The following DEFB118 variants were observed in gnomAD, a reference collection of about 807,000 sequenced individuals.
DEFB118 encodes the protein defensin beta 118, also known as defensin, beta 18.
Under a neutral mutation model 2.8 loss-of-function variants are expected in DEFB118, and 3 were observed. That is an observed-to-expected ratio of 1.09 (90% confidence interval 0.50 to 2.82). The LOEUF (loss-of-function observed/expected upper bound fraction) is 2.82, where lower values mean the gene tolerates loss of function less well. Ranked by LOEUF, DEFB118 falls within the 30% of genes most tolerant of loss-of-function variation. DEFB118 has a pLI of 0.04. For missense variants in DEFB118, 159 were observed against 144.6 expected (o/e 1.10, Z -0.51); for synonymous variants, 63 against 53.5 (o/e 1.18, Z -0.78).
chr20:31,373,401 T>G lies in DEFB118; in HGVS notation c.*231T>G. 1.9e-6 allele frequency: 1 copy of G among 533,216 alleles called. No homozygotes were observed. The highest frequency in any genetic ancestry group is 3.3e-6 in the Non-Finnish European group (1 of 302,110). 33.0% of individuals were successfully genotyped at this position (533,216 alleles called of 1,614,324 possible). A position where few individuals can be genotyped will look rare whatever the true frequency, so the allele number is the denominator to read the frequency against. On this transcript the variant is annotated 3_prime_UTR_variant, in exon 2 of 2. Coordinates refer to ENST00000253381, the MANE Select transcript of DEFB118 (RefSeq NM_054112.3). ...TCCACAACAAGTTATAACCTATTTT[T>G]AGTATTTCTTGTTTGCTAGTGACCT...
intron 1 of DEFB118, among the ~76,000 whole-genome samples, chr20:31,369,618 G>T (rs1986178687): frequency 6.6e-6 from 1 of 152,016 alleles, no homozygotes; most frequent in Non-Finnish European, 1.5e-5. Flanking sequence ...TCAAACTCTT[G>T]ACCTCGGGTG....
chr20:31,369,422 A>G (rs963012270), intron 1 of DEFB118, among the ~76,000 whole-genome samples: 27 of 137,192 alleles, frequency 2.0e-4, no homozygotes, highest in African/African-American at 6.3e-4. Flanking sequence ...TGGAATCTCA[A>G]TCTGTCACCC....
At chr20:31,369,303 A>C (rs2122268026) in intron 1 of DEFB118, among the ~76,000 whole-genome samples, 1 of 152,190 alleles carries the variant, frequency 6.6e-6, no homozygotes, top group South Asian at 2.1e-4. Flanking sequence ...TGTATGATCG[A>C]ACTTACATAA....
At chr20:31,370,859 C>T (rs1274800032) in intron 1 of DEFB118, among the ~76,000 whole-genome samples, 1 of 151,926 alleles carries the variant, frequency 6.6e-6, no homozygotes, top group African/African-American at 2.4e-5. Flanking sequence ...CAAGCGATTC[C>T]CCTGCCTCAG....
chr20:31,369,231 A>T (rs1413134130), intron 1 of DEFB118, among the ~76,000 whole-genome samples: 1 of 152,128 alleles, frequency 6.6e-6, no homozygotes, highest in Non-Finnish European at 1.5e-5. Context: ...CATGACCAGA[A>T]CTTTGAAATC....
chr20:31,372,833 A>G (rs1258599166), intron 1 of DEFB118, 24 bp from the exon 2 acceptor site: 1 of 1,598,018 alleles, frequency 6.3e-7, no homozygotes, highest in Non-Finnish European at 8.6e-7. Context: ...CCCAAAATCA[A>G]TGGTCTTTCC....
chr20:31,370,093 C>T (rs1355145870), intron 1 of DEFB118, among the ~76,000 whole-genome samples: 1 of 152,084 alleles, frequency 6.6e-6, no homozygotes, highest in Non-Finnish European at 1.5e-5. Flanking sequence ...CCTGGGTCTA[C>T]CCTGGCGTTC....
chr20:31,370,315 A>T (rs1269308019), intron 1 of DEFB118, among the ~76,000 whole-genome samples: 1 of 152,236 alleles, frequency 6.6e-6, no homozygotes, highest in Non-Finnish European at 1.5e-5. Flanking sequence ...AGACACAAAC[A>T]GGAATAATTC....
chr20:31,369,768 G>T (rs1334868638), intron 1 of DEFB118, among the ~76,000 whole-genome samples: 1 of 152,110 alleles, frequency 6.6e-6, no homozygotes, highest in Non-Finnish European at 1.5e-5. Context: ...CTTATTGTTT[G>T]TAAAGTTGTA....
rs1456380036 is a variant in DEFB118 at position 31,368,696 on chromosome 20, C to A, written c.46C>A (p.Gln16Lys). ...TCTTCCTATGCTTGTGCTCCTACCC[C>A]AAGTGATCCCAGGTAATCAGAGGTC... ...LALPMLVLLP[Q>K]VIPAYSGEKK... The change falls in exon 1 of 2, where the codon CAA becomes AAA. Residue 16 changes from glutamine (Q) to lysine (K), a missense_variant. By Grantham distance (53) the Gln-to-Lys change is moderately conservative. Transcript: ENST00000253381. The A allele has an allele frequency of 1.2e-6, 2 of 1,613,566 alleles. No individual in the cohort carries two copies. The highest frequency in any genetic ancestry group is 2.7e-5 in the African/African-American group (2 of 75,016).
chr20:31,373,108 G>A lies in DEFB118; in HGVS notation c.310G>A (p.Glu104Lys), dbSNP rs1458786712. 6.2e-6 allele frequency: 10 copies of A among 1,614,068 alleles called. No homozygotes were observed. Among genetic ancestry groups the A allele is most frequent in the African/African-American group, 1.3e-5 (1 of 74,924 alleles). Residue 104 changes from glutamate to lysine, a missense_variant, in exon 2 of 2, where the codon GAA (glutamate) becomes AAA (lysine). Coordinates refer to ENST00000253381, the MANE Select transcript of DEFB118 (RefSeq NM_054112.3). ...FEVSSKKDMV[E>K]ESEAGRGTET... ...AGTAAGCAGCAAGAAAGATATGGTT[G>A]AAGAGTCTGAGGCGGGAAGGGGAAC... is the stretch of plus-strand genomic sequence containing the variant.
chr20:31,371,202 C>A (rs1177431902), intron 1 of DEFB118, among the ~76,000 whole-genome samples: 1 of 152,134 alleles, frequency 6.6e-6, no homozygotes, highest in South Asian at 2.1e-4. Flanking sequence ...TGAGACAGGT[C>A]CTGCCTCTAA....
chr20:31,373,365 G>T lies in DEFB118; in HGVS notation c.*195G>T, dbSNP rs1986249901. On this transcript the variant is annotated 3_prime_UTR_variant, in exon 2 of 2. Coordinates refer to ENST00000253381, the MANE Select transcript of DEFB118 (RefSeq NM_054112.3). ...AACTCTTCAGTGCTCTTCTTGAAAT[G>T]TCACATTATTTCCACAACAAGTTAT... 1.7e-6 allele frequency: 1 copy of T among 574,370 alleles called. No individual in the cohort carries two copies. Among genetic ancestry groups the T allele is most frequent in the Non-Finnish European group, 3.0e-6 (1 of 327,880 alleles). The allele number at this position is 574,370 out of a possible 1,614,324, so 35.6% of individuals were successfully genotyped here.
chr20:31,371,395 A>G (rs1008087406), intron 1 of DEFB118, among the ~76,000 whole-genome samples: 10 of 151,234 alleles, frequency 6.6e-5, no homozygotes, highest in African/African-American at 2.2e-4. Context: ...TTTTTTTTGT[A>G]TTTTCATAAT....
intron 1 of DEFB118, among the ~76,000 whole-genome samples, chr20:31,372,622 A>G: frequency 6.6e-6 from 1 of 152,158 alleles, no homozygotes. Flanking sequence ...AAGTGGCCCC[A>G]ATTCCTCATG....
intron 1 of DEFB118, among the ~76,000 whole-genome samples, chr20:31,370,897 C>T (rs11907105): frequency 2.0e-5 from 3 of 152,034 alleles, no homozygotes; most frequent in African/African-American, 2.4e-5. Flanking sequence ...ATTACAGGCA[C>T]GCACAACCAA....
chr20:31,372,885 C>G lies in DEFB118; in HGVS notation c.87C>G (p.Asn29Lys), dbSNP rs547124947. The G allele has an allele frequency of 6.8e-6, 11 of 1,614,016 alleles. No individual in the cohort carries two copies. The highest frequency in any genetic ancestry group is 9.3e-6 in the Non-Finnish European group (11 of 1,179,974). ...ATAGTGGTGAAAAAAAATGCTGGAA[C>G]AGATCAGGGCACTGCAGGAAACAAT... ...PAYSGEKKCW[N>K]RSGHCRKQCK... The change falls in exon 2 of 2, where the codon AAC (asparagine) becomes AAG (lysine). Residue 29 changes from asparagine to lysine, a missense_variant. Asn to Lys is a moderately conservative substitution (Grantham distance 94). Coordinates refer to ENST00000253381, the MANE Select transcript of DEFB118 (RefSeq NM_054112.3).
At chr20:31,370,763 T>C (rs1251048808) in intron 1 of DEFB118, among the ~76,000 whole-genome samples, 1 of 152,232 alleles carries the variant, frequency 6.6e-6, no homozygotes, top group Admixed American at 6.5e-5. Flanking sequence ...TATTTGTTTC[T>C]GTTTTGAAAC....
chr20:31,373,194 C>A lies in DEFB118; in HGVS notation c.*24C>A. 1 of 1,601,428 alleles carries A rather than the reference C, an allele frequency of 6.2e-7. No individual in the cohort carries two copies. ...GACTTCCTCTCGGCTATCACTCACC[C>A]CTGTCCTCAGAGTGATAAACTAAGT... On this transcript the variant is annotated 3_prime_UTR_variant, in exon 2 of 2. Coordinates refer to ENST00000253381, the MANE Select transcript of DEFB118 (RefSeq NM_054112.3).
Sources: gnomAD v4.1 joint callset for allele counts (sites outside exome capture counted in the v4.1 genomes callset) on GRCh38, gnomAD v4.1.1 for gene constraint, MANE v1.5 for transcripts, NCBI Gene and HGNC (gene_info 2026-07-23, HGNC 2026-07-21) for gene names.